The following HERC4 variants were observed in gnomAD, a reference collection of about 807,000 sequenced individuals.
The protein encoded by HERC4 is probable E3 ubiquitin-protein ligase HERC4.
Under a neutral mutation model 124.3 loss-of-function variants are expected in HERC4, and 28 were observed. That is an observed-to-expected ratio of 0.23 (90% CI 0.17 to 0.31). The LOEUF is 0.31. Among genes scored for constraint, HERC4 ranks in the 10% least tolerant of loss-of-function variants. The pLI is 1.00. For synonymous variants in HERC4, 407 were observed against 421.5 expected (o/e 0.97, Z 0.42); for missense variants, 713 against 1,229.3 (o/e 0.58, Z 6.28).
chr10:67,924,831 CAGTTTATTGTA>C (rs2131943028), intron 24 of HERC4, among the ~76,000 whole-genome samples: 1 of 152,298 alleles, frequency 6.6e-6, no homozygotes, highest in South Asian at 2.1e-4. Flanking sequence ...ATTGTAACCA[CAGTTTATTGTA>C]ACTATAACAT....
intron 3 of HERC4, among the ~76,000 whole-genome samples, chr10:68,057,856 C>T (rs1280751600): frequency 2.0e-5 from 3 of 151,878 alleles, no homozygotes; most frequent in African/African-American, 7.3e-5. Context: ...TGCATCACCA[C>T]ACCCAGCTAA....
chr10:68,064,633 T>C (rs980169836), intron 3 of HERC4, among the ~76,000 whole-genome samples: 6 of 150,046 alleles, frequency 4.0e-5, no homozygotes, highest in African/African-American at 1.5e-4. Flanking sequence ...AATTGATATA[T>C]ATATGTTCAT....
At chr10:68,068,507 A>C (rs2041408698) in intron 3 of HERC4, 1 of 159,168 alleles carries the variant, frequency 6.3e-6, no homozygotes, top group Non-Finnish European at 1.3e-5. Flanking sequence ...AAAAAAAAAA[A>C]AAATTAGCCA....
chr10:68,070,120 T>C, intron 3 of HERC4: 3 of 985,120 alleles, frequency 3.0e-6, no homozygotes, highest in African/African-American at 1.7e-5. Flanking sequence ...CCCAGAAATA[T>C]AACCAACTTG....
intron 3 of HERC4, among the ~76,000 whole-genome samples, chr10:68,063,866 G>A (rs2041159219): frequency 3.3e-5 from 5 of 152,184 alleles, no homozygotes; most frequent in African/African-American, 9.7e-5. Flanking sequence ...TTGAACCTGG[G>A]AGGTGGAGGC....
At chr10:68,037,998 G>C (rs1347188551) in intron 5 of HERC4, 95 bp downstream of exon 5, 2 of 693,546 alleles carry the variant, frequency 2.9e-6, no homozygotes, top group African/African-American at 3.8e-5. Flanking sequence ...GGGCAATCTT[G>C]CAGAAAGATG....
chr10:67,992,819 T>C, intron 9 of HERC4, 137 bp from the exon 10 acceptor site: 1 of 582,806 alleles, frequency 1.7e-6, no homozygotes. Context: ...ATAAAGTGAC[T>C]TGAAATATTC....
chr10:68,068,920 C>G, intron 3 of HERC4: 1 of 380,670 alleles, frequency 2.6e-6, no homozygotes, highest in Non-Finnish European at 3.6e-6. Context: ...TAGCTACATA[C>G]AACTGTTGTG....
In HERC4 at chr10:67,957,896, C is replaced by T. The variant is rs191407343; in HGVS notation, c.1927-920G>A. Among the ~76,000 whole-genome samples the T allele has an allele frequency of 2.6e-5, 4 of 152,230 alleles. No homozygotes were observed. In the East Asian group the frequency reaches 7.7e-4, roughly 29 times the overall value. ...GATCTAGGCTCACGGCAACCTTCGC[C>T]TCTGGGGTTCAAGCGATTCTCCTGC... is the stretch of plus-strand genomic sequence containing the variant. On this transcript the variant is annotated intron_variant, in intron 16 of 24. Transcript: ENST00000373700.
chr10:67,990,128 G>A, intron 14 of HERC4, 83 bp downstream of exon 14: 5 of 1,138,826 alleles, frequency 4.4e-6, no homozygotes, highest in Non-Finnish European at 6.2e-6. Flanking sequence ...CAGGGCAGCA[G>A]AACTGCAAAT....
At chr10:67,949,157 A>G (rs967114866) in intron 19 of HERC4, among the ~76,000 whole-genome samples, 2 of 151,624 alleles carry the variant, frequency 1.3e-5, no homozygotes, top group Non-Finnish European at 2.9e-5. Context: ...GGTGGCATGC[A>G]CCTGTAGTCC....
At chr10:67,939,440 T>G in intron 21 of HERC4, 148 bp downstream of exon 21, 3 of 565,432 alleles carry the variant, frequency 5.3e-6, no homozygotes, top group Non-Finnish European at 9.3e-6. Flanking sequence ...GTACTATGAC[T>G]AGCTAGCATG....
intron 9 of HERC4, among the ~76,000 whole-genome samples, chr10:68,006,448 T>C (rs775154829): frequency 2.7e-5 from 4 of 150,852 alleles, no homozygotes; most frequent in Non-Finnish European, 5.9e-5. Context: ...CTCAGCTCAC[T>C]GCAACCTCCA....
At position 68,061,879 on chromosome 10, in the gene HERC4, TAAAAAAAAAAAA is replaced by T. The variant is rs71470503; in HGVS notation, c.226+10992_226+11003del. On this transcript the variant is annotated intron_variant, in intron 3 of 24. Coordinates refer to ENST00000373700, the MANE Select transcript of HERC4 (RefSeq NM_015601.4). Reference sequence around the variant, plus strand: ...CTGGGTGACAGAGCGAGACTCCATTTAAAAAAAAAAAAAAAAAAAAAAAAAAAAATCTGTATA... The same window carrying T: ...CTGGGTGACAGAGCGAGACTCCATTTAAAAAAAAAAAAAAAAATCTGTATA... Among the ~76,000 whole-genome samples the T allele has an allele frequency of 3.3e-4, 18 of 54,882 alleles. No individual in the cohort carries two copies. The South Asian group carries it at 4.4e-3, about 14-fold the overall frequency. The allele number at this position is 54,882 out of a possible 152,430, so 36.0% of individuals were successfully genotyped here.
chr10:68,042,671 T>C (rs2039830846), intron 4 of HERC4, among the ~76,000 whole-genome samples: 1 of 152,124 alleles, frequency 6.6e-6, no homozygotes, highest in African/African-American at 2.4e-5. Flanking sequence ...TAGAAATCTG[T>C]TTATAGATAC....
At chr10:67,976,377 C>T (rs1045130244) in intron 15 of HERC4, among the ~76,000 whole-genome samples, 5 of 152,116 alleles carry the variant, frequency 3.3e-5, no homozygotes, top group Non-Finnish European at 7.4e-5. Context: ...AATTTAGTGA[C>T]TCTTGCAGAA....
rs575611458 is a variant in HERC4, at chr10:68,056,839, G to A, written c.227-12276C>T. Among the ~76,000 whole-genome samples the A allele has an allele frequency of 2.0e-5, 3 of 152,140 alleles. No homozygotes were observed. In the South Asian group the frequency reaches 6.2e-4, roughly 32 times the overall value. On this transcript the variant is annotated intron_variant, in intron 3 of 24. Coordinates refer to ENST00000373700, the MANE Select transcript of HERC4 (RefSeq NM_015601.4). ...AACGACACAGTTAGCTATTTGCAAA[G>A]GAAATTAAAAAACAAGACAGTCACT... is the stretch of plus-strand genomic sequence containing the variant.
At chr10:68,010,246 A>G (rs1257624789) in intron 9 of HERC4, 2 of 1,032,718 alleles carry the variant, frequency 1.9e-6, no homozygotes, top group African/African-American at 3.1e-5. Context: ...CGACAGAAAC[A>G]GGGGGAAAGG....
At chr10:68,071,890 A>G (rs2041593575) in intron 3 of HERC4, among the ~76,000 whole-genome samples, 1 of 152,236 alleles carries the variant, frequency 6.6e-6, no homozygotes, top group Non-Finnish European at 1.5e-5. Context: ...TGCAAGTTAG[A>G]AAAGTGAGAT....
Sources: allele counts gnomAD v4.1 joint callset (sites outside exome capture counted in the v4.1 genomes callset), GRCh38; gene constraint gnomAD v4.1.1; transcripts MANE v1.5; gene names NCBI Gene and HGNC (gene_info 2026-07-23, HGNC 2026-07-21).